Variants in ENTPD3 observed in about 807,000 individuals in gnomAD.
ENTPD3 encodes CD39 antigen-like 3.
In ENTPD3, 60 loss-of-function variants were observed where a neutral mutation model predicts 51.2. That is an observed-to-expected ratio of 1.17 (90% confidence interval 0.95 to 1.45). The LOEUF (loss-of-function observed/expected upper bound fraction) is 1.45, where lower values mean the gene tolerates loss of function less well. ENTPD3 is among the 40% of genes most tolerant of loss of function. The pLI is 0.00. For missense variants in ENTPD3, 593 were observed against 641.1 expected, an observed-to-expected ratio of 0.93 and a Z score of 0.81; for synonymous variants, 221 against 238.4, an observed-to-expected ratio of 0.93 and a Z score of 0.67.
At position 40,414,683 on chromosome 3, in the gene ENTPD3, T is replaced by C. The variant is rs1286143164; in HGVS notation, c.440T>C (p.Leu147Ser). The C allele has an allele frequency of 6.2e-7, 1 of 1,614,016 alleles. No individual in the cohort carries two copies. Among genetic ancestry groups the C allele is most frequent in the Admixed American group, 1.7e-5 (1 of 60,010 alleles). ...TGTTTGTTCTGTGCCTTGTACAGGT[T>C]GCAAAATGAAACAGCAGCTAATGAA... ...GATAGMRLLRLQNETAANEVL... is the reference protein window; with the variant it reads ...GATAGMRLLRSQNETAANEVL... The change falls in exon 6 of 11, where the codon TTG becomes TCG. Residue 147 changes from leucine (L) to serine (S), a missense_variant and splice_region_variant. Transcript: ENST00000301825.
intron 3 of ENTPD3, among the ~76,000 whole-genome samples, chr3:40,400,204 G>A (rs1215891293): frequency 2.0e-5 from 3 of 150,590 alleles, no homozygotes; most frequent in African/African-American, 7.4e-5. Flanking sequence ...GGCAGAGTTT[G>A]CAGTGAGCTG....
At chr3:40,424,253 C>A (rs1436251585) in intron 10 of ENTPD3, 3 of 718,660 alleles carry the variant, frequency 4.2e-6, no homozygotes, top group Middle Eastern at 7.2e-4. Context: ...GCACTCTGCA[C>A]AAGGAATAGA....
chr3:40,422,837 C>A lies in ENTPD3; in HGVS notation c.832-13C>A. 6.2e-7 allele frequency: 1 copy of A among 1,606,162 alleles called. No homozygotes were observed. Among genetic ancestry groups the A allele is most frequent in the Non-Finnish European group, 8.5e-7 (1 of 1,178,466 alleles). ...AAACATACGTGTCTAACACCTTACT[C>A]TTATACCTACAGAATTCTCCTACCA... On this transcript the variant is annotated splice_polypyrimidine_tract_variant and intron_variant, in intron 7 of 10. Transcript: ENST00000301825.
At chr3:40,409,862 G>C (rs62263877) in intron 4 of ENTPD3, among the ~76,000 whole-genome samples, 9,608 of 152,022 alleles carry the variant, frequency 0.063, 415 homozygotes, top group Non-Finnish European at 0.098. Context: ...CCACTAGGAA[G>C]TATTGTTGAA....
In ENTPD3 at chr3:40,415,929, C is replaced by A. The variant is rs768848699; in HGVS notation, c.687C>A (p.Phe229Leu). ...DLGGASTQIS[F>L]VAGEKMDLNT... Reference sequence around the variant, plus strand: ...GTGGTGCCTCCACCCAAATATCCTTCGTGGCAGGAGAGAAGATGGATCTGA... The same window carrying A: ...GTGGTGCCTCCACCCAAATATCCTTAGTGGCAGGAGAGAAGATGGATCTGA... The change falls in exon 7 of 11, where the codon TTC (phenylalanine) becomes TTA (leucine). Residue 229 changes from phenylalanine to leucine, a missense_variant. Phe to Leu is a conservative substitution (Grantham distance 22, BLOSUM62 0). Coordinates refer to ENST00000301825, the MANE Select transcript of ENTPD3 (RefSeq NM_001248.4). The A allele has an allele frequency of 1.9e-6, 3 of 1,614,094 alleles. No homozygotes were observed. The highest frequency in any genetic ancestry group is 1.7e-6 in the Non-Finnish European group (2 of 1,180,002).
chr3:40,400,989 A>AACCTTC lies in ENTPD3; in HGVS notation c.266_271dup (p.Thr89_Phe90dup), dbSNP rs1457194419. The AACCTTC allele has an allele frequency of 1.2e-6, 2 of 1,613,546 alleles. No homozygotes were observed. The highest frequency in any genetic ancestry group is 2.7e-5 in the African/African-American group (2 of 74,902). Reference sequence around the variant, plus strand: ...AGAATAATACCGGAGTGGTCAGTCAAACCTTCAAATGTAGTGTGAAAGGTA... The same window carrying AACCTTC: ...AGAATAATACCGGAGTGGTCAGTCAAACCTTCACCTTCAAATGTAGTGTGAAAGGTA... On this transcript the variant is annotated inframe_insertion, in exon 4 of 11. Coordinates refer to ENST00000301825, the MANE Select transcript of ENTPD3 (RefSeq NM_001248.4).
In ENTPD3 at chr3:40,398,505, C is replaced by T. The variant is rs181940431; in HGVS notation, c.169-2389C>T. On this transcript the variant is annotated intron_variant, in intron 3 of 10. Coordinates refer to ENST00000301825, the MANE Select transcript of ENTPD3 (RefSeq NM_001248.4). ...CTGGTTTCCTTCTTGCCTTCAGTTT[C>T]AACCTGTACTTTAATCTCCCTGTGA... 4.6e-5 allele frequency among the ~76,000 whole-genome samples: 7 copies of T among 152,250 alleles called. No individual in the cohort carries two copies. The East Asian group carries it at 1.2e-3, about 25-fold the overall frequency.
chr3:40,422,053 C>A (rs919863051), intron 7 of ENTPD3, among the ~76,000 whole-genome samples: 1 of 151,908 alleles, frequency 6.6e-6, no homozygotes, highest in African/African-American at 2.4e-5. Context: ...GTTCATAAAA[C>A]CTGGTTCATA....
chr3:40,408,096 A>C (rs1377160950), intron 4 of ENTPD3, among the ~76,000 whole-genome samples: 1 of 152,232 alleles, frequency 6.6e-6, no homozygotes, highest in African/African-American at 2.4e-5. Context: ...TTAATAAATA[A>C]ATGGCAAGAT....
intron 2 of ENTPD3, among the ~76,000 whole-genome samples, chr3:40,388,730 C>T (rs1014230410): frequency 6.6e-6 from 1 of 152,156 alleles, no homozygotes; most frequent in African/African-American, 2.4e-5. Context: ...CTTGCAATTA[C>T]CATGTTTGTC....
intron 1 of ENTPD3, 106 bp from the exon 2 acceptor site, chr3:40,387,940 G>A: frequency 1.1e-6 from 1 of 880,164 alleles, no homozygotes; most frequent in Non-Finnish European, 1.9e-6. Context: ...ATGAGGTTTT[G>A]ATTTGGAGGA....
intron 9 of ENTPD3, 90 bp downstream of exon 9, chr3:40,423,491 T>C: frequency 1.1e-6 from 1 of 940,032 alleles, no homozygotes; most frequent in Admixed American, 2.3e-5. Flanking sequence ...TTAGCCTTTA[T>C]GCTCTTCTAT....
At chr3:40,420,820 A>C (rs1010121542) in intron 7 of ENTPD3, among the ~76,000 whole-genome samples, 1 of 151,912 alleles carries the variant, frequency 6.6e-6, no homozygotes, top group African/African-American at 2.4e-5. Context: ...TTTCCTCATC[A>C]GTAAAATGAA....
At chr3:40,402,873 G>A (rs902080380) in intron 4 of ENTPD3, among the ~76,000 whole-genome samples, 2 of 152,148 alleles carry the variant, frequency 1.3e-5, no homozygotes, top group East Asian at 1.9e-4. Context: ...CCAAGTAATT[G>A]AGCCTAGTTA....
At chr3:40,388,316 A>G (rs115334146) in intron 2 of ENTPD3, among the ~76,000 whole-genome samples, 311 of 152,252 alleles carry the variant, frequency 2.0e-3, no homozygotes, top group African/African-American at 7.2e-3. Context: ...TGCATGTTTC[A>G]CTTAAATGGT....
At position 40,427,698 on chromosome 3, in the gene ENTPD3, T is replaced by C. The variant is rs2125615235; in HGVS notation, c.*190T>C. ...GCATCCCTTGGCTATTCTGTGCATA[T>C]TGTTCTTCAGAGACCTCACTACCCA... On this transcript the variant is annotated 3_prime_UTR_variant, in exon 11 of 11. Coordinates refer to ENST00000301825, the MANE Select transcript of ENTPD3 (RefSeq NM_001248.4). 2 of 596,134 alleles carry C rather than the reference T, an allele frequency of 3.4e-6. No individual in the cohort carries two copies. Among genetic ancestry groups the C allele is most frequent in the Non-Finnish European group, 6.0e-6 (2 of 334,496 alleles). 36.9% of individuals were successfully genotyped at this position (596,134 alleles called of 1,614,324 possible).
chr3:40,410,412 A>T (rs921764672), intron 4 of ENTPD3, among the ~76,000 whole-genome samples: 3 of 150,966 alleles, frequency 2.0e-5, no homozygotes, highest in African/African-American at 7.3e-5. Context: ...ACTGCACTGC[A>T]GTCTGGGTGA....
intron 7 of ENTPD3, among the ~76,000 whole-genome samples, chr3:40,416,951 T>A (rs1955761702): frequency 6.6e-6 from 1 of 151,510 alleles, no homozygotes; most frequent in Non-Finnish European, 1.5e-5. Flanking sequence ...AGGAACAGAC[T>A]CTATCCTGCA....
chr3:40,426,763 T>C (rs1955993738), intron 10 of ENTPD3, among the ~76,000 whole-genome samples: 1 of 152,194 alleles, frequency 6.6e-6, no homozygotes, highest in Non-Finnish European at 1.5e-5. Flanking sequence ...TACAACATAA[T>C]GATAAAATGT....
Sources: allele counts gnomAD v4.1 joint callset (sites outside exome capture counted in the v4.1 genomes callset), GRCh38; gene constraint gnomAD v4.1.1; transcripts MANE v1.5; gene names NCBI Gene and HGNC (gene_info 2026-07-23, HGNC 2026-07-21).